Variants in OPCML observed in about 807,000 individuals in gnomAD.
OPCML encodes opioid binding protein/cell adhesion molecule like, also known as opioid-binding protein/cell adhesion molecule.
OPCML carries 13 observed loss-of-function variants against 37.8 expected under a neutral mutation model. The ratio of observed to expected loss-of-function variants is 0.34; its 90% CI spans 0.22 to 0.55. The LOEUF (loss-of-function observed/expected upper bound fraction) is 0.55. Among genes scored for constraint, OPCML ranks in the 20% least tolerant of loss-of-function variants. The pLI is 0.91. For synonymous variants in OPCML, 176 were observed against 168.8 expected (o/e 1.04, Z -0.33); for missense variants, 341 against 435.6 (o/e 0.78, Z 1.93).
chr11:132,892,093 G>T (rs1229208315), intron 2 of OPCML, among the ~76,000 whole-genome samples: 2 of 152,164 alleles, frequency 1.3e-5, no homozygotes, highest in Non-Finnish European at 1.5e-5. Flanking sequence ...AATACTTAAG[G>T]ACTTCTCCTC....
intron 4 of OPCML, among the ~76,000 whole-genome samples, chr11:132,447,086 A>T (rs2096057345): frequency 6.6e-6 from 1 of 152,216 alleles, no homozygotes; most frequent in Non-Finnish European, 1.5e-5. Context: ...ACCTTCAATT[A>T]GTTACAACAT....
intron 3 of OPCML, among the ~76,000 whole-genome samples, chr11:132,632,903 C>T (rs566737237): frequency 6.6e-4 from 100 of 150,872 alleles, no homozygotes; most frequent in Non-Finnish European, 6.0e-4. Flanking sequence ...CAGCCTTTCT[C>T]GTACATCTAC....
intron 1 of OPCML, among the ~76,000 whole-genome samples, chr11:132,964,353 T>A (rs1946165367): frequency 6.6e-6 from 1 of 152,184 alleles, no homozygotes; most frequent in Non-Finnish European, 1.5e-5. Context: ...GATGTTAGCA[T>A]GACATTATGG....
intron 2 of OPCML, among the ~76,000 whole-genome samples, chr11:132,718,096 C>G (rs1463045138): frequency 6.6e-6 from 1 of 152,200 alleles, no homozygotes; most frequent in Non-Finnish European, 1.5e-5. Context: ...TGCTTCTTTT[C>G]AAGCCAACAG....
At chr11:132,599,348 A>AAGAAGGAGG (rs1166631341) in intron 3 of OPCML, among the ~76,000 whole-genome samples, 7 of 144,752 alleles carry the variant, frequency 4.8e-5, no homozygotes, top group African/African-American at 1.8e-4. Flanking sequence ...GAGGAGGAGG[A>AAGAAGGAGG]AGAAGGAGGA....
chr11:133,292,734 T>C (rs1942514482), intron 1 of OPCML, among the ~76,000 whole-genome samples: 1 of 152,136 alleles, frequency 6.6e-6, no homozygotes, highest in Non-Finnish European at 1.5e-5. Flanking sequence ...TAGAATGAGA[T>C]ATAATATGTG....
intron 1 of OPCML, among the ~76,000 whole-genome samples, chr11:133,492,720 A>T (rs1464271909): frequency 6.6e-6 from 1 of 152,088 alleles, no homozygotes; most frequent in Non-Finnish European, 1.5e-5. Context: ...GCCAAAAAAA[A>T]AAAAAAGTTT....
chr11:132,921,251 G>T (rs146498732), intron 2 of OPCML, among the ~76,000 whole-genome samples: 1,707 of 152,242 alleles, frequency 0.011, 39 homozygotes, highest in African/African-American at 0.039. Flanking sequence ...AGACAAGTTC[G>T]CCTCCCTGTT....
chr11:133,463,633 G>A (rs758383422), intron 1 of OPCML, among the ~76,000 whole-genome samples: 9 of 151,928 alleles, frequency 5.9e-5, no homozygotes, highest in South Asian at 2.1e-4. Context: ...GGGGAAGACC[G>A]TGTCTATGCT....
intron 1 of OPCML, among the ~76,000 whole-genome samples, chr11:133,191,654 C>T (rs1173047760): frequency 1.3e-5 from 2 of 152,016 alleles, no homozygotes; most frequent in East Asian, 1.9e-4. Flanking sequence ...CCACCATGTC[C>T]GGCTTATTTT....
intron 1 of OPCML, among the ~76,000 whole-genome samples, chr11:133,074,948 C>T (rs1201030622): frequency 6.6e-6 from 1 of 152,150 alleles, no homozygotes; most frequent in Middle Eastern, 3.2e-3. Context: ...TGTCCACCAT[C>T]ATACTTTCTC....
intron 2 of OPCML, among the ~76,000 whole-genome samples, chr11:132,775,784 GA>G (rs1565854066): frequency 2.0e-5 from 3 of 152,160 alleles, no homozygotes; most frequent in Non-Finnish European, 4.4e-5. Context: ...AGGTTCCATC[GA>G]CAGGTGTCAT....
intron 1 of OPCML, among the ~76,000 whole-genome samples, chr11:133,326,670 T>TG (rs1592203761): frequency 5.8e-5 from 1 of 17,144 alleles, no homozygotes; most frequent in Non-Finnish European, 1.1e-4. Flanking sequence ...TGTGTGTGGG[T>TG]GGGGGTGGGG....
At chr11:132,822,196 G>A (rs1013720540) in intron 2 of OPCML, among the ~76,000 whole-genome samples, 15 of 152,028 alleles carry the variant, frequency 9.9e-5, no homozygotes, top group Middle Eastern at 3.2e-3. Context: ...ACCTTCCAAT[G>A]TGGAAGATGG....
chr11:132,862,890 A>G (rs555255006), intron 2 of OPCML, among the ~76,000 whole-genome samples: 13 of 152,352 alleles, frequency 8.5e-5, no homozygotes, highest in African/African-American at 2.9e-4. Flanking sequence ...ATAAAAGAAG[A>G]TTATAACTCA....
At chr11:133,074,227 C>T (rs146398898) in intron 1 of OPCML, among the ~76,000 whole-genome samples, 4 of 152,164 alleles carry the variant, frequency 2.6e-5, no homozygotes, top group Non-Finnish European at 5.9e-5. Context: ...TCTAAAACCA[C>T]CATGTAAAAG....
chr11:133,090,900 A>C (rs545427044), intron 1 of OPCML, among the ~76,000 whole-genome samples: 201 of 152,324 alleles, frequency 1.3e-3, no homozygotes, highest in Non-Finnish European at 2.6e-3. Flanking sequence ...GGTTAGAAAG[A>C]AGCTAGATGC....
chr11:132,939,333 C>A (rs1288735735), intron 2 of OPCML, among the ~76,000 whole-genome samples: 1 of 152,144 alleles, frequency 6.6e-6, no homozygotes, highest in African/African-American at 2.4e-5. Flanking sequence ...GTAGTTAAAC[C>A]TCAAATACTT....
intron 1 of OPCML, among the ~76,000 whole-genome samples, chr11:133,531,115 G>A (rs779891143): frequency 6.6e-6 from 1 of 152,184 alleles, no homozygotes; most frequent in Non-Finnish European, 1.5e-5. Flanking sequence ...CTGACTGTGC[G>A]ACGGTTTGGT....
Sources: allele counts gnomAD v4.1 joint callset (sites outside exome capture counted in the v4.1 genomes callset), GRCh38; gene constraint gnomAD v4.1.1; transcripts MANE v1.5; gene names NCBI Gene and HGNC (gene_info 2026-07-23, HGNC 2026-07-21).